The following MAD1L1 variants were observed in gnomAD, a reference collection of about 807,000 sequenced individuals.
MAD1L1 encodes mitotic spindle assembly checkpoint protein MAD1.
MAD1L1 carries 95 observed loss-of-function variants against 96.9 expected under a neutral mutation model. The observed-to-expected ratio is 0.98, with a 90% CI of 0.83 to 1.16. MAD1L1 has a LOEUF of 1.16. MAD1L1 is among the 50% of genes most tolerant of loss of function. The probability of loss-of-function intolerance (pLI) is 0.00; values close to 1 mark genes in which losing one functional copy is unlikely to be tolerated. For missense variants in MAD1L1, 1,007 were observed against 954.4 expected, an observed-to-expected ratio of 1.06 and a Z score of -0.73; for synonymous variants, 473 against 396.6, an observed-to-expected ratio of 1.19 and a Z score of -2.29.
intron 16 of MAD1L1, among the ~76,000 whole-genome samples, chr7:1,950,681 C>T (rs577561411): frequency 2.0e-5 from 3 of 152,346 alleles, no homozygotes; most frequent in South Asian, 2.1e-4. Flanking sequence ...CCAGGCCCTT[C>T]GCCACCCTCT....
intron 15 of MAD1L1, among the ~76,000 whole-genome samples, chr7:1,959,116 G>A (rs191015935): frequency 3.3e-5 from 5 of 152,224 alleles, no homozygotes; most frequent in Admixed American, 3.3e-4. Flanking sequence ...GCCGGGCGTC[G>A]TGGTACACCC....
intron 10 of MAD1L1, among the ~76,000 whole-genome samples, chr7:2,151,630 C>T (rs1789575744): frequency 6.6e-6 from 1 of 152,248 alleles, no homozygotes; most frequent in African/African-American, 2.4e-5. Flanking sequence ...AGGTACGAAC[C>T]CACCCAGCAA....
chr7:1,951,884 C>T (rs1005210380), intron 16 of MAD1L1, among the ~76,000 whole-genome samples: 4 of 152,274 alleles, frequency 2.6e-5, no homozygotes, highest in Middle Eastern at 3.4e-3. Flanking sequence ...CTACCGTGAG[C>T]GAGGCTGCTG....
intron 12 of MAD1L1, among the ~76,000 whole-genome samples, chr7:2,016,839 G>T (rs1176101775): frequency 3.9e-5 from 6 of 152,284 alleles, no homozygotes; most frequent in African/African-American, 1.4e-4. Flanking sequence ...GTTTGCACAG[G>T]AAGGTTTATC....
At chr7:1,862,467 C>T (rs904955118) in intron 18 of MAD1L1, among the ~76,000 whole-genome samples, 1 of 152,194 alleles carries the variant, frequency 6.6e-6, no homozygotes, top group Admixed American at 6.5e-5. Context: ...CGGAGAGTCC[C>T]GAGACTGCAG....
At chr7:2,125,801 G>A (rs1281462555) in intron 11 of MAD1L1, among the ~76,000 whole-genome samples, 2 of 152,218 alleles carry the variant, frequency 1.3e-5, no homozygotes, top group Admixed American at 6.5e-5. Flanking sequence ...ATAAACTGAG[G>A]AGACAATATC....
intron 12 of MAD1L1, among the ~76,000 whole-genome samples, chr7:2,024,920 T>C (rs1782936145): frequency 1.3e-5 from 2 of 152,348 alleles, no homozygotes; most frequent in South Asian, 2.1e-4. Context: ...TTCCAGAGAA[T>C]AGAAGCAAAC....
At chr7:2,024,512 T>A (rs1782918423) in intron 12 of MAD1L1, among the ~76,000 whole-genome samples, 1 of 152,202 alleles carries the variant, frequency 6.6e-6, no homozygotes, top group Admixed American at 6.5e-5. Flanking sequence ...TGAGCCAATT[T>A]CCTTCAACTC....
At chr7:2,192,735 G>C (rs143165265) in intron 10 of MAD1L1, among the ~76,000 whole-genome samples, 15 of 152,146 alleles carry the variant, frequency 9.9e-5, no homozygotes, top group Non-Finnish European at 1.8e-4. Context: ...CCAAGGAAAC[G>C]AGAGAAAAGG....
rs1046274490 is a variant in MAD1L1, at chr7:1,906,856, C to A, written c.1808-8466G>T. ...TAACCACAAGCAAGCACACACACAG[C>A]GGACGGGACACACACGCCTACTGCT... On this transcript the variant is annotated intron_variant, in intron 17 of 18. Transcript: ENST00000265854. Among the ~76,000 whole-genome samples, 3 of 152,246 alleles carry A rather than the reference C, an allele frequency of 2.0e-5. No homozygotes were observed. The East Asian group carries it at 5.8e-4, about 29-fold the overall frequency.
Position 2,020,808 on chromosome 7 carries a change from C to T in MAD1L1, c.1219-6166G>A, listed in dbSNP as rs147076681. ...AGGTCTTGCTCTGTCGTCTAGGCTA[C>T]GGTGCAGTGGCACAATCTCAAGAAT... On this transcript the variant is annotated intron_variant, in intron 12 of 18. Transcript: ENST00000265854. Among the ~76,000 whole-genome samples the T allele has an allele frequency of 2.2e-3, 329 of 151,076 alleles. 1 individual carries two copies. Among genetic ancestry groups the T allele is most frequent in the African/African-American group, 6.9e-3 (282 of 41,100 alleles).
chr7:1,998,242 C>T (rs1366480321), intron 14 of MAD1L1, among the ~76,000 whole-genome samples: 1 of 152,184 alleles, frequency 6.6e-6, no homozygotes, highest in Non-Finnish European at 1.5e-5. Flanking sequence ...TTCTGTCTCT[C>T]TCCCCACAAA....
chr7:1,949,319 C>T (rs116439708), intron 16 of MAD1L1, among the ~76,000 whole-genome samples: 2,017 of 152,328 alleles, frequency 0.013, 36 homozygotes, highest in African/African-American at 0.045. Context: ...GGAGCTCTGC[C>T]GGGCACGCAA....
rs966753620 is a variant in MAD1L1 at position 2,077,628 on chromosome 7, C to T, written c.1074-8290G>A. 2.0e-5 allele frequency among the ~76,000 whole-genome samples: 3 copies of T among 152,370 alleles called. No individual in the cohort carries two copies. The South Asian group carries it at 6.2e-4, about 32-fold the overall frequency. On this transcript the variant is annotated intron_variant, in intron 11 of 18. Coordinates refer to ENST00000265854, the MANE Select transcript of MAD1L1 (RefSeq NM_001013836.2). ...GCGACCCAGCGGGGAGCAGTGAACTCTAACTGGTGGCCTGGAGCAGGTACA... is the reference window on the plus strand; with the variant it reads ...GCGACCCAGCGGGGAGCAGTGAACTTTAACTGGTGGCCTGGAGCAGGTACA...
chr7:2,086,035 C>A (rs1350033633), intron 11 of MAD1L1, among the ~76,000 whole-genome samples: 1 of 152,208 alleles, frequency 6.6e-6, no homozygotes. Flanking sequence ...GCTCCACCTA[C>A]CCCCAGGAAT....
chr7:2,068,313 T>G, intron 12 of MAD1L1, among the ~76,000 whole-genome samples: 1 of 152,166 alleles, frequency 6.6e-6, no homozygotes. Flanking sequence ...CAGAGCGAGC[T>G]GGAGAAGCTG....
intron 15 of MAD1L1, among the ~76,000 whole-genome samples, chr7:1,969,381 C>G (rs988646176): frequency 6.6e-6 from 1 of 151,982 alleles, no homozygotes; most frequent in Non-Finnish European, 1.5e-5. Context: ...AACTCCACCT[C>G]AAAAATAATA....
chr7:2,091,586 T>C (rs1377542605), intron 11 of MAD1L1, among the ~76,000 whole-genome samples: 9 of 152,308 alleles, frequency 5.9e-5, no homozygotes, highest in South Asian at 2.1e-4. Context: ...CCATACTGGC[T>C]AACAGGGTGA....
intron 17 of MAD1L1, among the ~76,000 whole-genome samples, chr7:1,917,344 G>A (rs1788473454): frequency 6.6e-6 from 1 of 152,174 alleles, no homozygotes; most frequent in African/African-American, 2.4e-5. Flanking sequence ...TGACAGCCTG[G>A]GGCATGAGGG....
Sources: gnomAD v4.1 joint callset for allele counts (sites outside exome capture counted in the v4.1 genomes callset) on GRCh38, gnomAD v4.1.1 for gene constraint, MANE v1.5 for transcripts, NCBI Gene and HGNC (gene_info 2026-07-23, HGNC 2026-07-21) for gene names.